SVIL: variants seen among roughly 807,000 people sequenced by gnomAD.
SVIL encodes archvillin.
SVIL carries 101 observed loss-of-function variants against 240.4 expected under a neutral mutation model. The ratio of observed to expected loss-of-function variants is 0.42; its 90% CI spans 0.36 to 0.50. The LOEUF (loss-of-function observed/expected upper bound fraction) is 0.50, where lower values mean the gene tolerates loss of function less well. SVIL is among the 20% of genes least tolerant of loss of function. The probability of loss-of-function intolerance (pLI) is 0.01; values close to 1 mark genes in which losing one functional copy is unlikely to be tolerated. For synonymous variants in SVIL, 999 were observed against 1,100.0 expected, an observed-to-expected ratio of 0.91 and a Z score of 1.82; for missense variants, 2,512 against 2,818.7, an observed-to-expected ratio of 0.89 and a Z score of 2.46.
chr10:29,637,590 A>G (rs894756663), upstream of SVIL, among the ~76,000 whole-genome samples: 2 of 152,192 alleles, frequency 1.3e-5, no homozygotes, highest in African/African-American at 4.8e-5. Context: ...AAAAAGAGAG[A>G]CACATAACAT....
chr10:29,532,027 A>T lies in SVIL; in HGVS notation c.1984T>A (p.Ser662Thr), dbSNP rs757677568. Reference protein sequence around the residue: ...SERFRTQPITSAERKESDRCT... With the variant: ...SERFRTQPITTAERKESDRCT... Reference sequence around the variant, plus strand: ...CTATCCGATTCCTTTCGTTCTGCTGAAGTTATAGGTTGGGTTCTAAATCTC... The same window carrying T: ...CTATCCGATTCCTTTCGTTCTGCTGTAGTTATAGGTTGGGTTCTAAATCTC... Residue 662 changes from serine (S) to threonine (T), a missense_variant, in exon 9 of 38, where the codon TCA (serine) becomes ACA (threonine). By Grantham distance (58) the Ser-to-Thr change is moderately conservative. Coordinates refer to ENST00000355867, the MANE Select transcript of SVIL (RefSeq NM_021738.3). The T allele has an allele frequency of 6.2e-7, 1 of 1,614,152 alleles. No homozygotes were observed. Among genetic ancestry groups the T allele is most frequent in the South Asian group, 1.1e-5 (1 of 91,076 alleles).
At chr10:29,594,736 T>C (rs1408807123) in intron 1 of SVIL, among the ~76,000 whole-genome samples, 1 of 152,084 alleles carries the variant, frequency 6.6e-6, no homozygotes, top group Non-Finnish European at 1.5e-5. Context: ...TTTGTATTTT[T>C]AGTAGAGACA....
At chr10:29,538,080 C>A (rs1951865848) in intron 6 of SVIL, among the ~76,000 whole-genome samples, 1 of 152,192 alleles carries the variant, frequency 6.6e-6, no homozygotes. Flanking sequence ...CAGCAGACGC[C>A]TGCTGTTGGA....
At chr10:29,623,916 A>G (rs1327193056) in intron 1 of SVIL, among the ~76,000 whole-genome samples, 1 of 152,194 alleles carries the variant, frequency 6.6e-6, no homozygotes, top group Non-Finnish European at 1.5e-5. Flanking sequence ...TACAATGGCT[A>G]CACCATCAAC....
chr10:29,507,184 C>T (rs2132466202), intron 17 of SVIL, among the ~76,000 whole-genome samples: 1 of 152,076 alleles, frequency 6.6e-6, no homozygotes, highest in African/African-American at 2.4e-5. Flanking sequence ...GAGGGGCCTC[C>T]CCTCGCTGAG....
At chr10:29,631,723 C>T (rs1399414041) in intron 1 of SVIL, among the ~76,000 whole-genome samples, 3 of 152,016 alleles carry the variant, frequency 2.0e-5, no homozygotes, top group South Asian at 2.1e-4. Flanking sequence ...TGCAGTGAGC[C>T]GAGATTGTGC....
rs542238953 is a variant in SVIL at position 29,604,328 on chromosome 10, T to C, written c.-201+30092A>G. Among the ~76,000 whole-genome samples the C allele has an allele frequency of 1.9e-3, 276 of 147,020 alleles. 1 individual carries two copies. The highest frequency in any genetic ancestry group is 3.8e-3 in the Admixed American group (55 of 14,494). On this transcript the variant is annotated intron_variant, in intron 1 of 37. Coordinates refer to ENST00000355867, the MANE Select transcript of SVIL (RefSeq NM_021738.3). ...AATTCTCATGCCTCAGACACCTAAG[T>C]AGCTGGGATTACAGGCATGTGCCAC...
intron 3 of SVIL, among the ~76,000 whole-genome samples, chr10:29,560,707 T>C (rs1262987731): frequency 6.6e-6 from 1 of 152,104 alleles, no homozygotes. Flanking sequence ...AAATCATTGA[T>C]ACATGTGTTA....
intron 12 of SVIL, 147 bp downstream of exon 12, chr10:29,529,558 A>G: frequency 1.1e-6 from 1 of 890,054 alleles, no homozygotes; most frequent in Non-Finnish European, 1.5e-6. Context: ...GAGAGACCAC[A>G]GTAAACAAAA....
At position 29,735,454 on chromosome 10, in the gene SVIL, G is replaced by A. The variant is rs1215970670; in HGVS notation, c.-400+297C>T. On this transcript the variant is annotated intron_variant, in intron 1 of 35. Coordinates refer to the SVIL transcript ENST00000375400. This position sits in a 1 kb window ranked among gnomAD's most constrained non-coding sequence, Gnocchi z 4.1. ...ACCCTGCCCCGGCCCGCTCCTCCCCGAGGCGCGCTCCGGGGACGGAAGTGG... is the reference window on the plus strand; with the variant it reads ...ACCCTGCCCCGGCCCGCTCCTCCCCAAGGCGCGCTCCGGGGACGGAAGTGG... 6.6e-6 allele frequency among the ~76,000 whole-genome samples: 1 copy of A among 151,612 alleles called. No individual in the cohort carries two copies. The highest frequency in any genetic ancestry group is 1.5e-5 in the Non-Finnish European group (1 of 67,826).
At chr10:29,642,608 T>A (rs1958526942) in intron 3 of SVIL, among the ~76,000 whole-genome samples, 1 of 152,178 alleles carries the variant, frequency 6.6e-6, no homozygotes. Context: ...CCTAGCAACA[T>A]GTGCCACTCA....
chr10:29,686,710 A>G (rs542727545), intron 1 of SVIL: 1 of 152,330 alleles, frequency 6.6e-6, no homozygotes, highest in Admixed American at 6.5e-5. Flanking sequence ...CTAGAAATAT[A>G]TACTTAAATG....
At chr10:29,490,175 C>G (rs934022875) in intron 22 of SVIL, among the ~76,000 whole-genome samples, 2 of 152,102 alleles carry the variant, frequency 1.3e-5, no homozygotes, top group African/African-American at 4.8e-5. Context: ...CAGCCCACAT[C>G]CCAACTCCGA....
rs1346326611 is a variant in SVIL, at chr10:29,704,704, G to A, written c.-399-18053C>T. On this transcript the variant is annotated intron_variant, in intron 1 of 35. Transcript: ENST00000375400. ...TTCACAACCACGATCATCATTTATT[G>A]GTGAAACTGAATTCTACACTTGACC... 2.6e-5 allele frequency among the ~76,000 whole-genome samples: 4 copies of A among 152,042 alleles called. 1 individual carries two copies. The highest frequency in any genetic ancestry group is 5.9e-5 in the Non-Finnish European group (4 of 68,016).
At chr10:29,559,382 T>A (rs568580662) in intron 3 of SVIL, among the ~76,000 whole-genome samples, 13 of 152,046 alleles carry the variant, frequency 8.6e-5, no homozygotes, top group East Asian at 5.8e-4. Flanking sequence ...GTATTTTTTC[T>A]GAACCATTTG....
At chr10:29,552,289 C>T (rs1205746066) in intron 5 of SVIL, among the ~76,000 whole-genome samples, 2 of 152,056 alleles carry the variant, frequency 1.3e-5, no homozygotes, top group African/African-American at 4.8e-5. Context: ...TGGCTCACAA[C>T]TGTAATCCTA....
In SVIL at chr10:29,712,696, A is replaced by T. The variant is rs1385166326; in HGVS notation, c.-400+23055T>A. 5.3e-5 allele frequency among the ~76,000 whole-genome samples: 8 copies of T among 152,218 alleles called. No individual in the cohort carries two copies. The East Asian group carries it at 1.5e-3, about 29-fold the overall frequency. ...GCAAGGAAAATATTTCCAGATAGAG[A>T]AGGCAAATGTTATCAGACTCAACAC... On this transcript the variant is annotated intron_variant, in intron 1 of 35. Transcript: ENST00000375400.
At chr10:29,525,309 T>C (rs1245106175) in intron 13 of SVIL, among the ~76,000 whole-genome samples, 2 of 151,938 alleles carry the variant, frequency 1.3e-5, no homozygotes, top group Non-Finnish European at 2.9e-5. Flanking sequence ...ACCAGAGGAG[T>C]AAAGAAAATT....
chr10:29,572,837 A>T (rs942713509), intron 1 of SVIL, among the ~76,000 whole-genome samples: 1 of 151,966 alleles, frequency 6.6e-6, no homozygotes, highest in Non-Finnish European at 1.5e-5. Context: ...ATACATGTTG[A>T]CATGTTGATA....
Sources: gnomAD v4.1 joint callset for allele counts (sites outside exome capture counted in the v4.1 genomes callset) on GRCh38, gnomAD v4.1.1 for gene constraint, Gnocchi (gnomAD v3.1) non-coding constraint, MANE v1.5 for transcripts, NCBI Gene and HGNC (gene_info 2026-07-23, HGNC 2026-07-21) for gene names.